Variants in C17orf75 observed in about 807,000 individuals in gnomAD.
The protein encoded by C17orf75 is protein Njmu-R1.
A neutral mutation model predicts 49.6 loss-of-function variants in C17orf75; 32 were observed. The ratio of observed to expected loss-of-function variants is 0.65; its 90% CI spans 0.49 to 0.87. C17orf75 has a LOEUF of 0.87. Among genes scored for constraint, C17orf75 ranks in the 40% least tolerant of loss-of-function variants. The probability of loss-of-function intolerance (pLI) is 0.00; values close to 1 mark genes in which losing one functional copy is unlikely to be tolerated. For synonymous variants in C17orf75, 158 were observed against 159.5 expected (o/e 0.99, Z 0.07); for missense variants, 428 against 473.9 (o/e 0.90, Z 0.90).
At position 32,339,617 on chromosome 17, in the gene C17orf75, A is replaced by C. The variant is rs749046179; in HGVS notation, c.347+196T>G. On this transcript the variant is annotated intron_variant, in intron 3 of 9. Coordinates refer to ENST00000577809, the MANE Select transcript of C17orf75 (RefSeq NM_022344.4). ...AAAATAAACTAATTAAATAAAGTGCAATTGGGTGCCAGGGTCTCTGCCATT... is the reference window on the plus strand; with the variant it reads ...AAAATAAACTAATTAAATAAAGTGCCATTGGGTGCCAGGGTCTCTGCCATT... Among the ~76,000 whole-genome samples, 3 of 152,054 alleles carry C rather than the reference A, an allele frequency of 2.0e-5. No individual in the cohort carries two copies. The East Asian group carries it at 5.8e-4, about 29-fold the overall frequency.
chr17:32,340,522 G>A (rs548646188), intron 2 of C17orf75, among the ~76,000 whole-genome samples: 2 of 151,918 alleles, frequency 1.3e-5, no homozygotes, highest in Admixed American at 1.3e-4. Flanking sequence ...GTGGGTGCCT[G>A]TAGTCCTAGC....
intron 1 of C17orf75, among the ~76,000 whole-genome samples, 164 bp from the exon 2 acceptor site, chr17:32,341,448 C>G (rs1164346016): frequency 6.6e-6 from 1 of 152,158 alleles, no homozygotes; most frequent in African/African-American, 2.4e-5. Context: ...GCAGTGCTGA[C>G]AAGAGCCCCT....
intron 5 of C17orf75, 145 bp downstream of exon 5, chr17:32,337,752 G>A: frequency 3.3e-6 from 2 of 614,620 alleles, no homozygotes; most frequent in Non-Finnish European, 5.5e-6. Context: ...TTTTAGTAGA[G>A]ATGAAGTTTC....
chr17:32,333,319 C>T (rs2041293939), intron 9 of C17orf75, 98 bp downstream of exon 9: 1 of 816,136 alleles, frequency 1.2e-6, no homozygotes, highest in African/African-American at 1.7e-5. Flanking sequence ...AATTAACAGA[C>T]ATCACAGCTA....
In C17orf75 at chr17:32,331,841, A is replaced by G; in HGVS notation, c.1113T>C (p.His371=). The G allele has an allele frequency of 6.2e-7, 1 of 1,613,780 alleles. No individual in the cohort carries two copies. Among genetic ancestry groups the G allele is most frequent in the Admixed American group, 1.7e-5 (1 of 60,020 alleles). The part of the protein sequence containing the change: ...DILLKIVKVE[H]EEMPEAKNVI... ...CATTTTTGGCTTCAGGCATTTCTTC[A>G]TGTTCCACTTTAACAATCTTCAAAA... The change falls in exon 10 of 10, where the codon CAT becomes CAC. Residue 371 remains histidine (H), a synonymous_variant. Transcript: ENST00000577809.
At chr17:32,349,445 G>C (rs922609553) in intron 1 of C17orf75, among the ~76,000 whole-genome samples, 2 of 152,042 alleles carry the variant, frequency 1.3e-5, no homozygotes, top group African/African-American at 4.8e-5. Context: ...GCCGGGCTTG[G>C]TGGCGCGGGC....
At chr17:32,347,692 A>G (rs908596807) in intron 1 of C17orf75, among the ~76,000 whole-genome samples, 9 of 152,172 alleles carry the variant, frequency 5.9e-5, no homozygotes, top group African/African-American at 2.2e-4. Flanking sequence ...TTGAGGCAAG[A>G]GAGAGTAGAG....
At chr17:32,333,390 G>A (rs1311646591) in intron 9 of C17orf75, 27 bp downstream of exon 9, 3 of 1,514,200 alleles carry the variant, frequency 2.0e-6, no homozygotes, top group African/African-American at 1.4e-5. Context: ...ATTTCATGTG[G>A]CACTTGGCAC....
chr17:32,333,109 C>T (rs1262291851), intron 9 of C17orf75, among the ~76,000 whole-genome samples: 1 of 152,092 alleles, frequency 6.6e-6, no homozygotes, highest in Non-Finnish European at 1.5e-5. Flanking sequence ...CTGCGCCCAG[C>T]CCCCATCAGA....
Position 32,331,856 on chromosome 17 carries a change from A to C in C17orf75, c.1098T>G (p.Ile366Met), listed in dbSNP as rs368821944. 1.1e-5 allele frequency: 18 copies of C among 1,613,706 alleles called. No homozygotes were observed. The African/African-American group carries it at 2.4e-4, about 22-fold the overall frequency. ...NCGSGDILLK[I>M]VKVEHEEMPE... Reference sequence around the variant, plus strand: ...GCATTTCTTCATGTTCCACTTTAACAATCTTCAAAAGTATATCTCCACTAC... The same window carrying C: ...GCATTTCTTCATGTTCCACTTTAACCATCTTCAAAAGTATATCTCCACTAC... Residue 366 changes from isoleucine (I) to methionine (M), a missense_variant, in exon 10 of 10, where the codon ATT (isoleucine) becomes ATG (methionine). Coordinates refer to ENST00000577809, the MANE Select transcript of C17orf75 (RefSeq NM_022344.4).
chr17:32,348,357 C>G lies in C17orf75; in HGVS notation c.-7+1585G>C, dbSNP rs187264745. ...CCTTTAAAATTCAAATTTAATTCAG[C>G]TCCACACATACTTTGTGTTTTGGGG... On this transcript the variant is annotated intron_variant, in intron 1 of 8. Coordinates refer to the C17orf75 transcript ENST00000583774. 7.2e-4 allele frequency among the ~76,000 whole-genome samples: 109 copies of G among 152,198 alleles called. 1 individual carries two copies. The highest frequency in any genetic ancestry group is 6.0e-3 in the Admixed American group (92 of 15,262).
chr17:32,336,702 C>A (rs2041329363), intron 5 of C17orf75, among the ~76,000 whole-genome samples: 1 of 152,136 alleles, frequency 6.6e-6, no homozygotes, highest in Non-Finnish European at 1.5e-5. Flanking sequence ...ATCTTATATG[C>A]CTAGAAATCA....
chr17:32,342,655 G>T (rs1380898588), upstream of C17orf75, among the ~76,000 whole-genome samples: 1 of 152,168 alleles, frequency 6.6e-6, no homozygotes, highest in Non-Finnish European at 1.5e-5. Context: ...AAACTAAAAG[G>T]CCGGGCACGG....
At chr17:32,341,368 A>AAGG in intron 1 of C17orf75, 84 bp from the exon 2 acceptor site, 8 of 1,391,466 alleles carry the variant, frequency 5.7e-6, no homozygotes, top group Non-Finnish European at 8.1e-6. Flanking sequence ...AGGGTAAGGC[A>AAGG]AGGAGTCAAC....
At chr17:32,346,623 A>G (rs1300699996), upstream of C17orf75, among the ~76,000 whole-genome samples, 1 of 152,016 alleles carries the variant, frequency 6.6e-6, no homozygotes, top group Non-Finnish European at 1.5e-5. Flanking sequence ...GCCAGGCTGG[A>G]GTGCAGTGGC....
chr17:32,340,811 G>A (rs756010771), intron 2 of C17orf75: 15 of 187,954 alleles, frequency 8.0e-5, no homozygotes, highest in Non-Finnish European at 1.3e-4. Flanking sequence ...TTAGCCAGGC[G>A]TGGTGGTCAG....
chr17:32,344,101 A>G, upstream of C17orf75: 1 of 568,184 alleles, frequency 1.8e-6, no homozygotes, highest in East Asian at 2.9e-5. Context: ...AAAAGAGCCC[A>G]TTTAACCGCA....
At chr17:32,348,044 G>T (rs1247784263) in intron 1 of C17orf75, among the ~76,000 whole-genome samples, 5 of 150,706 alleles carry the variant, frequency 3.3e-5, no homozygotes, top group African/African-American at 1.2e-4. Flanking sequence ...TTGAGACAGA[G>T]TCTTGCTCTG....
rs1357236796 is a variant in C17orf75, at chr17:32,331,919, A to G, written c.1035T>C (p.Tyr345=). ...GGAACATGTAACATTTAAACAAAGC[A>G]TAATGATTCATTTCTGCCTGTCGGA... ...RFIRQAEMNH[Y]ALFKCYMFLK... Residue 345 remains tyrosine (Y), a synonymous_variant, in exon 10 of 10, where the codon TAT becomes TAC. Transcript: ENST00000577809. 2.5e-6 allele frequency: 4 copies of G among 1,613,476 alleles called. No individual in the cohort carries two copies. Among genetic ancestry groups the G allele is most frequent in the Middle Eastern group, 1.7e-4 (1 of 6,024 alleles).
Sources: gnomAD v4.1 joint callset for allele counts (sites outside exome capture counted in the v4.1 genomes callset) on GRCh38, gnomAD v4.1.1 for gene constraint, MANE v1.5 for transcripts, NCBI Gene and HGNC (gene_info 2026-07-23, HGNC 2026-07-21) for gene names.